DLG2: variants seen among roughly 807,000 people sequenced by gnomAD.
The protein encoded by DLG2 is disks large homolog 2.
Under a neutral mutation model 132.5 loss-of-function variants are expected in DLG2, and 45 were observed. The ratio of observed to expected loss-of-function variants is 0.34; its 90% confidence interval spans 0.27 to 0.44. The LOEUF (loss-of-function observed/expected upper bound fraction) is 0.44. Ranked by LOEUF, DLG2 falls within the 20% of genes least tolerant of loss-of-function variation. The probability of loss-of-function intolerance (pLI) is 1.00; values close to 1 mark genes in which losing one functional copy is unlikely to be tolerated. For missense variants in DLG2, 1,045 were observed against 1,196.9 expected (o/e 0.87, Z 1.87); for synonymous variants, 424 against 419.6 (o/e 1.01, Z -0.13).
chr11:85,175,198 A>T (rs1324104335), intron 4 of DLG2, among the ~76,000 whole-genome samples: 1 of 152,342 alleles, frequency 6.6e-6, no homozygotes, highest in African/African-American at 2.4e-5. Context: ...CCTGATGAAC[A>T]TCGATGCAAA....
At chr11:83,930,564 T>G in intron 14 of DLG2, 81 bp from the exon 15 acceptor site, 1 of 1,378,708 alleles carries the variant, frequency 7.3e-7, no homozygotes, top group South Asian at 1.5e-5. Flanking sequence ...CATCTCAGCA[T>G]GTGCAAAAGT....
At chr11:84,814,371 G>T (rs1245317165) in intron 6 of DLG2, among the ~76,000 whole-genome samples, 6 of 151,934 alleles carry the variant, frequency 3.9e-5, no homozygotes, top group African/African-American at 1.5e-4. Context: ...GGCTTTTTCT[G>T]CTCTAGATCA....
intron 3 of DLG2, among the ~76,000 whole-genome samples, chr11:85,594,168 G>T (rs975002985): frequency 6.6e-6 from 1 of 152,116 alleles, no homozygotes; most frequent in Admixed American, 6.5e-5. Context: ...CAATGAAAGG[G>T]CTAGTTAAAG....
intron 10 of DLG2, among the ~76,000 whole-genome samples, chr11:84,097,779 C>A (rs996392808): frequency 1.3e-5 from 2 of 152,108 alleles, no homozygotes; most frequent in African/African-American, 2.4e-5. Flanking sequence ...GATTTACAAC[C>A]TAGCAGGGGT....
In DLG2 at chr11:84,169,533, G is replaced by A. The variant is rs2095763099; in HGVS notation, c.574-6022C>T. ...TCTAAGATGCACTGCCTTGTGTATA[G>A]GAATTACCTTAGCTTTTGTTCTCAA... On this transcript the variant is annotated intron_variant, in intron 8 of 27. Transcript: ENST00000376104. Among the ~76,000 whole-genome samples the A allele has an allele frequency of 2.0e-5, 3 of 152,088 alleles. No homozygotes were observed. The South Asian group carries it at 6.2e-4, about 32-fold the overall frequency.
In DLG2 at chr11:85,363,544, T is replaced by C. The variant is rs1047019280; in HGVS notation, c.41-78179A>G. Among the ~76,000 whole-genome samples, 9 of 152,230 alleles carry C rather than the reference T, an allele frequency of 5.9e-5. No homozygotes were observed. The East Asian group carries it at 1.7e-3, about 29-fold the overall frequency. ...CTGCCAGATAATACACAGACATTCA[T>C]CTAGCTAAAGTTCTAAATTAGCAGT... On this transcript the variant is annotated intron_variant, in intron 3 of 27. Transcript: ENST00000376104.
chr11:84,458,153 G>A (rs2099070404), intron 7 of DLG2, among the ~76,000 whole-genome samples: 1 of 150,722 alleles, frequency 6.6e-6, no homozygotes, highest in Admixed American at 6.6e-5. Flanking sequence ...CATCTAATGT[G>A]CTTCAGAGCT....
chr11:84,281,357 C>T (rs1159525133), intron 7 of DLG2, among the ~76,000 whole-genome samples: 1 of 151,934 alleles, frequency 6.6e-6, no homozygotes. Context: ...AGAGAAGCCA[C>T]AGAATGAAAA....
At chr11:84,114,456 C>A (rs553076436) in intron 9 of DLG2, among the ~76,000 whole-genome samples, 2 of 152,050 alleles carry the variant, frequency 1.3e-5, no homozygotes, top group Admixed American at 1.3e-4. Context: ...AATTTGAAAG[C>A]GAACTCAAGG....
chr11:85,029,823 A>G (rs891475976), intron 6 of DLG2, among the ~76,000 whole-genome samples: 1 of 152,156 alleles, frequency 6.6e-6, no homozygotes, highest in African/African-American at 2.4e-5. Flanking sequence ...CTCCTGCCTC[A>G]GCCTCCCATG....
At chr11:85,144,017 A>T (rs1278749468) in intron 5 of DLG2, among the ~76,000 whole-genome samples, 1 of 151,798 alleles carries the variant, frequency 6.6e-6, no homozygotes, top group Non-Finnish European at 1.5e-5. Context: ...AATGCTAAAA[A>T]TGGGTTGTTG....
chr11:83,888,760 A>G (rs918938266), intron 15 of DLG2, among the ~76,000 whole-genome samples: 1 of 152,208 alleles, frequency 6.6e-6, no homozygotes, highest in Non-Finnish European at 1.5e-5. Context: ...AAACAGAGAT[A>G]TAGATCAATG....
intron 6 of DLG2, among the ~76,000 whole-genome samples, chr11:85,090,178 G>A (rs1473179346): frequency 6.6e-6 from 1 of 152,144 alleles, no homozygotes; most frequent in Non-Finnish European, 1.5e-5. Context: ...GATGGAGACT[G>A]CCTCTATATA....
At chr11:83,786,221 T>C (rs933089833) in intron 18 of DLG2, among the ~76,000 whole-genome samples, 2 of 152,134 alleles carry the variant, frequency 1.3e-5, no homozygotes, top group East Asian at 1.9e-4. Context: ...ACAAGGGATA[T>C]TGTAGGAGTA....
chr11:84,695,227 A>T (rs2058498735), intron 6 of DLG2, among the ~76,000 whole-genome samples: 1 of 151,544 alleles, frequency 6.6e-6, no homozygotes. Context: ...ATTACAGCAG[A>T]GAAAAGTGAA....
At chr11:84,225,863 T>G (rs1436046467) in intron 8 of DLG2, among the ~76,000 whole-genome samples, 2 of 152,068 alleles carry the variant, frequency 1.3e-5, no homozygotes, top group African/African-American at 4.8e-5. Flanking sequence ...CAGGCCGAAG[T>G]GCAGTGGCAC....
rs995805885 is a variant in DLG2 at position 84,583,955 on chromosome 11, G to A, written c.358-49224C>T. ...CCATAAATTATATTTTTATTCTCCT[G>A]TTGATATAAATTTGTATTGTGCTCA... On this transcript the variant is annotated intron_variant, in intron 6 of 27. Transcript: ENST00000376104. 9.2e-5 allele frequency among the ~76,000 whole-genome samples: 14 copies of A among 151,892 alleles called. No individual in the cohort carries two copies. The East Asian group carries it at 2.7e-3, about 29-fold the overall frequency.
chr11:84,872,607 G>A (rs182559675), intron 6 of DLG2, among the ~76,000 whole-genome samples: 2 of 152,260 alleles, frequency 1.3e-5, no homozygotes, highest in Non-Finnish European at 2.9e-5. Flanking sequence ...TAACATTTAG[G>A]TTGTATCTTG....
intron 3 of DLG2, among the ~76,000 whole-genome samples, chr11:85,465,876 G>A (rs1008811603): frequency 1.8e-4 from 28 of 152,010 alleles, no homozygotes; most frequent in African/African-American, 4.8e-4. Flanking sequence ...CTGAGGAATC[G>A]CCACACTGAC....
Sources: gnomAD v4.1 joint callset for allele counts (sites outside exome capture counted in the v4.1 genomes callset) on GRCh38, gnomAD v4.1.1 for gene constraint, MANE v1.5 for transcripts, NCBI Gene and HGNC (gene_info 2026-07-23, HGNC 2026-07-21) for gene names.